The following GPSM2 variants were observed in gnomAD, a reference collection of about 807,000 sequenced individuals.
GPSM2 encodes the protein G protein signaling modulator 2, also known as G protein-signaling modulator 2.
A neutral mutation model predicts 78.4 loss-of-function variants in GPSM2; 58 were observed. The observed-to-expected ratio is 0.74, with a 90% CI of 0.60 to 0.92. The LOEUF (loss-of-function observed/expected upper bound fraction) is 0.92, where lower values mean the gene tolerates loss of function less well. GPSM2 is among the 40% of genes least tolerant of loss of function. The pLI is 0.00. For missense variants in GPSM2, 700 were observed against 815.5 expected, an observed-to-expected ratio of 0.86 and a Z score of 1.73; for synonymous variants, 224 against 280.2, an observed-to-expected ratio of 0.80 and a Z score of 2.00.
intron 10 of GPSM2, among the ~76,000 whole-genome samples, chr1:108,913,839 T>C (rs944056403): frequency 2.0e-5 from 3 of 152,356 alleles, no homozygotes; most frequent in Non-Finnish European, 2.9e-5. Flanking sequence ...AGGACTCGTT[T>C]ACTTGTTTTC....
intron 1 of GPSM2, among the ~76,000 whole-genome samples, chr1:108,884,545 AC>A (rs2101322920): frequency 6.6e-6 from 1 of 152,344 alleles, no homozygotes; most frequent in Non-Finnish European, 1.5e-5. Context: ...TTAGGACTAT[AC>A]TGACATTCGT....
intron 2 of GPSM2, among the ~76,000 whole-genome samples, chr1:108,888,351 CT>C (rs35110865): frequency 0.035 from 5,244 of 151,866 alleles, 101 homozygotes; most frequent in Middle Eastern, 0.077. Context: ...TGCACTTGGC[CT>C]TTTTTTCCCC....
intron 10 of GPSM2, 75 bp downstream of exon 10, chr1:108,904,329 G>A: frequency 2.1e-6 from 2 of 963,700 alleles, no homozygotes; most frequent in Non-Finnish European, 3.3e-6. Context: ...CACAAATTTG[G>A]CATATTCAGA....
At chr1:108,911,994 T>G (rs1031631179) in intron 10 of GPSM2, among the ~76,000 whole-genome samples, 14 of 151,784 alleles carry the variant, frequency 9.2e-5, no homozygotes, top group African/African-American at 3.4e-4. Flanking sequence ...TTTTTGCAGA[T>G]ATGGGGTTTT....
At chr1:108,911,072 T>C (rs1301838839) in intron 10 of GPSM2, among the ~76,000 whole-genome samples, 1 of 151,644 alleles carries the variant, frequency 6.6e-6, no homozygotes, top group Non-Finnish European at 1.5e-5. Flanking sequence ...AAGAATAAAA[T>C]CCAACTACAC....
In GPSM2 at chr1:108,920,367, G is replaced by A. The variant is rs554696855; in HGVS notation, c.1440+1578G>A. Reference sequence around the variant, plus strand: ...GCCTGTAATTCCAGCTACTCGGGAGGCTGAGGCAGGAGAATTGCTTCAACC... The same window carrying A: ...GCCTGTAATTCCAGCTACTCGGGAGACTGAGGCAGGAGAATTGCTTCAACC... On this transcript the variant is annotated intron_variant, in intron 12 of 14. Coordinates refer to ENST00000264126, the MANE Select transcript of GPSM2 (RefSeq NM_013296.5). Among the ~76,000 whole-genome samples the A allele has an allele frequency of 8.3e-4, 125 of 151,072 alleles. 3 individuals carry two copies. The Middle Eastern group carries it at 0.014, about 17-fold the overall frequency.
intron 7 of GPSM2, among the ~76,000 whole-genome samples, chr1:108,901,540 T>G (rs944083109): frequency 6.6e-6 from 1 of 152,256 alleles, no homozygotes; most frequent in African/African-American, 2.4e-5. Flanking sequence ...GTTTCAATAC[T>G]CCTTTACTTT....
At chr1:108,929,428 CTT>C in intron 14 of GPSM2, 1 of 455,280 alleles carries the variant, frequency 2.2e-6, no homozygotes, top group East Asian at 4.4e-5. Flanking sequence ...AACAGTATGA[CTT>C]AACATAATGC....
intron 7 of GPSM2, 25 bp downstream of exon 7, chr1:108,899,019 AAT>A (rs1243963044): frequency 7.9e-7 from 1 of 1,270,068 alleles, no homozygotes; most frequent in East Asian, 2.3e-5. Context: ...TCTGTAGATA[AAT>A]GTAAAATGAA....
rs1199663834 is a variant in GPSM2 at position 108,931,255 on chromosome 1, A to C, written c.*1315A>C. On this transcript the variant is annotated 3_prime_UTR_variant, in exon 15 of 15. Coordinates refer to ENST00000264126, the MANE Select transcript of GPSM2 (RefSeq NM_013296.5). Reference sequence around the variant, plus strand: ...TGAAAACTCACAAAAATTAAATATGAAAGAAAGATGTCAGCTAGAACCTTA... The same window carrying C: ...TGAAAACTCACAAAAATTAAATATGCAAGAAAGATGTCAGCTAGAACCTTA... The C allele has an allele frequency of 4.2e-6, 6 of 1,442,712 alleles. No individual in the cohort carries two copies. The allele number at this position is 1,442,712 out of a possible 1,614,324, so 89.4% of individuals were successfully genotyped here.
intron 2 of GPSM2, among the ~76,000 whole-genome samples, chr1:108,891,922 T>A (rs1389357691): frequency 6.6e-6 from 1 of 152,194 alleles, no homozygotes; most frequent in African/African-American, 2.4e-5. Flanking sequence ...ATATTATTAA[T>A]CATCTAACCA....
intron 12 of GPSM2, among the ~76,000 whole-genome samples, chr1:108,920,182 A>G (rs368425996): frequency 1.3e-4 from 18 of 143,630 alleles, no homozygotes; most frequent in African/African-American, 4.7e-4. Flanking sequence ...AAATAAAATA[A>G]AATTGGCTGG....
chr1:108,885,526 G>T lies in GPSM2; in HGVS notation c.4G>T (p.Glu2Ter). Residue 2 changes from glutamate (E) to a stop codon, truncating the protein, a stop_gained, in exon 2 of 15, where the codon GAG (glutamate) becomes TAG (stop). Transcript: ENST00000264126. LOFTEE classifies it high-confidence loss of function. M[E>*]ENLISMREDH... Reference sequence around the variant, plus strand: ...ATTCAGCTTATAATATGACTCGATGGAGGAAAATTTGATAAGCATGAGAGA... The same window carrying T: ...ATTCAGCTTATAATATGACTCGATGTAGGAAAATTTGATAAGCATGAGAGA... 6.4e-7 allele frequency: 1 copy of T among 1,554,248 alleles called. No homozygotes were observed.
chr1:108,877,391 G>C (rs1665684781), intron 1 of GPSM2, 163 bp downstream of exon 1: 1 of 152,334 alleles, frequency 6.6e-6, no homozygotes, highest in African/African-American at 2.4e-5. Context: ...TGCGGGACCT[G>C]TGGGCGCTGC....
At chr1:108,914,727 A>G (rs1321167983) in intron 11 of GPSM2, among the ~76,000 whole-genome samples, 2 of 152,240 alleles carry the variant, frequency 1.3e-5, no homozygotes, top group Non-Finnish European at 2.9e-5. Context: ...AATACTTTAT[A>G]TACCAGTTTG....
At chr1:108,922,282 G>A in intron 12 of GPSM2, 135 bp from the exon 13 acceptor site, 3 of 672,660 alleles carry the variant, frequency 4.5e-6, no homozygotes, top group Middle Eastern at 4.1e-4. Flanking sequence ...TTGCCATCTT[G>A]TATTCTTTTT....
At position 108,877,001 on chromosome 1, in the gene GPSM2, T is replaced by G. The variant is rs1570855592; in HGVS notation, c.-476T>G. 6.6e-6 allele frequency: 1 copy of G among 152,326 alleles called. No homozygotes were observed. The highest frequency in any genetic ancestry group is 2.4e-5 in the African/African-American group (1 of 41,438). 9.4% of individuals were successfully genotyped at this position (152,326 alleles called of 1,614,324 possible). ...GGCGCAGGCGCAGAGGAGGGCGGTG[T>G]TGAGACCGGCGGAGCGGCGGGACCC... On this transcript the variant is annotated 5_prime_UTR_variant, in exon 1 of 15. Transcript: ENST00000264126.
chr1:108,907,587 A>G (rs1353299545), intron 10 of GPSM2, among the ~76,000 whole-genome samples: 2 of 152,252 alleles, frequency 1.3e-5, no homozygotes, highest in Non-Finnish European at 2.9e-5. Context: ...GAACGTTTAC[A>G]GAAGTAACAA....
chr1:108,920,576 TACCTAC>T (rs2101535863), intron 12 of GPSM2, among the ~76,000 whole-genome samples: 1 of 152,324 alleles, frequency 6.6e-6, no homozygotes, highest in Non-Finnish European at 1.5e-5. Context: ...ATTTCATTTA[TACCTAC>T]ACCTTTGTGT....
Sources: gnomAD v4.1 joint callset for allele counts (sites outside exome capture counted in the v4.1 genomes callset) on GRCh38, gnomAD v4.1.1 for gene constraint, MANE v1.5 for transcripts, NCBI Gene and HGNC (gene_info 2026-07-23, HGNC 2026-07-21) for gene names.